Variants in SUMF1 observed in about 807,000 individuals in gnomAD.
SUMF1 encodes sulfatase modifying factor 1, also known as formylglycine-generating enzyme.
A neutral mutation model predicts 47.6 loss-of-function variants in SUMF1; 48 were observed. The observed-to-expected ratio is 1.01, with a 90% confidence interval of 0.80 to 1.28. The LOEUF is 1.28. Among genes scored for constraint, SUMF1 ranks in the 50% most tolerant of loss-of-function variants. The pLI is 0.00. For synonymous variants in SUMF1, 230 were observed against 192.1 expected (o/e 1.20, Z -1.63); for missense variants, 571 against 485.4 (o/e 1.18, Z -1.66).
At chr3:4,210,256 C>A (rs1479537907) in intron 8 of SUMF1, among the ~76,000 whole-genome samples, 1 of 152,038 alleles carries the variant, frequency 6.6e-6, no homozygotes, top group Non-Finnish European at 1.5e-5. Flanking sequence ...TCAATGCAAT[C>A]CAAATAAAAA....
intron 8 of SUMF1, among the ~76,000 whole-genome samples, chr3:4,158,540 G>C (rs564888482): frequency 6.6e-6 from 1 of 151,474 alleles, no homozygotes; most frequent in African/African-American, 2.4e-5. Context: ...GCTGAAAGTG[G>C]GGTGTTGAAG....
At chr3:4,464,932 A>C (rs771504892) in intron 1 of SUMF1, among the ~76,000 whole-genome samples, 1 of 152,244 alleles carries the variant, frequency 6.6e-6, no homozygotes, top group Admixed American at 6.5e-5. Context: ...CCCATATAGC[A>C]TCCAGTCAAG....
chr3:4,244,355 A>G (rs543549195), intron 8 of SUMF1, among the ~76,000 whole-genome samples: 13 of 152,316 alleles, frequency 8.5e-5, no homozygotes, highest in South Asian at 4.1e-4. Context: ...CATAGCATCA[A>G]TGGTCTTTAC....
chr3:4,184,204 C>G lies in SUMF1; in HGVS notation c.1015-115459G>C, dbSNP rs551764236. Among the ~76,000 whole-genome samples the G allele has an allele frequency of 7.9e-5, 12 of 151,560 alleles. No individual in the cohort carries two copies. The South Asian group carries it at 1.5e-3, about 19-fold the overall frequency. On this transcript the variant is annotated intron_variant and NMD_transcript_variant, in intron 8 of 12. Coordinates refer to the SUMF1 transcript ENST00000448413. ...AGTGTGGTGGCTCATGCCTGTATTC[C>G]CAACACTTTTGGAGGCTGAGGTGGG...
At chr3:4,074,790 A>C (rs1213627228) in intron 8 of SUMF1, among the ~76,000 whole-genome samples, 1 of 152,156 alleles carries the variant, frequency 6.6e-6, no homozygotes, top group Non-Finnish European at 1.5e-5. Context: ...CTAAACCAGG[A>C]AGAAATTCAA....
At chr3:4,465,081 G>C (rs548357743) in intron 1 of SUMF1, among the ~76,000 whole-genome samples, 1 of 152,334 alleles carries the variant, frequency 6.6e-6, no homozygotes, top group East Asian at 1.9e-4. Context: ...CTTGCCAGAG[G>C]AATCTAGATA....
At position 4,099,011 on chromosome 3, in the gene SUMF1, G is replaced by A. The variant is rs576124563; in HGVS notation, c.1015-30266C>T. 2.1e-3 allele frequency among the ~76,000 whole-genome samples: 318 copies of A among 152,218 alleles called. 10 individuals carry two copies. Among genetic ancestry groups the A allele is most frequent in the African/African-American group, 7.4e-3 (308 of 41,502 alleles). ...CTTACCCACTAGCGACAGTAAAGAA[G>A]ACTCTGGCCACTGCAGTCCTTAACA... On this transcript the variant is annotated intron_variant and NMD_transcript_variant, in intron 8 of 12. Coordinates refer to the SUMF1 transcript ENST00000448413.
intron 8 of SUMF1, among the ~76,000 whole-genome samples, chr3:4,249,695 A>C (rs1251049575): frequency 6.6e-6 from 1 of 152,230 alleles, no homozygotes; most frequent in Non-Finnish European, 1.5e-5. Context: ...GTTTTTAAGT[A>C]AAAACACGTC....
chr3:4,245,232 T>G (rs1696635140), intron 8 of SUMF1, among the ~76,000 whole-genome samples: 1 of 152,172 alleles, frequency 6.6e-6, no homozygotes, highest in African/African-American at 2.4e-5. Flanking sequence ...TTCTGAAGCC[T>G]ACTTCTGTCA....
intron 8 of SUMF1, among the ~76,000 whole-genome samples, chr3:4,333,143 C>A (rs778162606): frequency 1.4e-4 from 22 of 152,210 alleles, no homozygotes; most frequent in Non-Finnish European, 2.6e-4. Context: ...GGACACTGGA[C>A]AAGAGCTCGG....
At chr3:4,391,578 G>T (rs1188823616) in intron 7 of SUMF1, among the ~76,000 whole-genome samples, 2 of 152,068 alleles carry the variant, frequency 1.3e-5, no homozygotes, top group Admixed American at 6.5e-5. Flanking sequence ...GACTTCGTGG[G>T]CCCAGGAGAT....
At chr3:4,300,493 A>AT (rs961894594) in intron 8 of SUMF1, among the ~76,000 whole-genome samples, 1 of 152,238 alleles carries the variant, frequency 6.6e-6, no homozygotes, top group African/African-American at 2.4e-5. Context: ...AAATTATGTG[A>AT]TTTTATACAT....
intron 7 of SUMF1, among the ~76,000 whole-genome samples, chr3:4,377,934 T>C (rs981172339): frequency 5.3e-5 from 8 of 152,346 alleles, no homozygotes; most frequent in African/African-American, 1.9e-4. Context: ...AAAAGCACCC[T>C]TACTTAAGTG....
At position 4,441,354 on chromosome 3, in the gene SUMF1, A is replaced by G. The variant is rs560270141; in HGVS notation, c.519+7912T>C. Among the ~76,000 whole-genome samples the G allele has an allele frequency of 1.2e-3, 185 of 152,346 alleles. 1 individual carries two copies. Among genetic ancestry groups the G allele is most frequent in the Non-Finnish European group, 1.7e-3 (116 of 68,030 alleles). ...GCAAGAAAACAAGCTCTGGGCTCCCACTGATTCTACATTATGGTGAGTTGT... is the reference window on the plus strand; with the variant it reads ...GCAAGAAAACAAGCTCTGGGCTCCCGCTGATTCTACATTATGGTGAGTTGT... On this transcript the variant is annotated intron_variant, in intron 3 of 8. Transcript: ENST00000272902.
intron 8 of SUMF1, among the ~76,000 whole-genome samples, chr3:4,137,078 T>A (rs565243407): frequency 2.4e-4 from 36 of 152,102 alleles, no homozygotes; most frequent in Non-Finnish European, 4.7e-4. Flanking sequence ...TCCTCAAGGA[T>A]CTAGAACTAG....
intron 8 of SUMF1, among the ~76,000 whole-genome samples, chr3:4,151,213 T>C (rs867491571): frequency 6.7e-6 from 1 of 148,666 alleles, no homozygotes; most frequent in Non-Finnish European, 1.5e-5. Context: ...TATAAGGAAA[T>C]GTATAATGAA....
intron 8 of SUMF1, among the ~76,000 whole-genome samples, chr3:4,163,051 G>A (rs1694614523): frequency 1.3e-5 from 2 of 151,904 alleles, no homozygotes; most frequent in Admixed American, 6.5e-5. Flanking sequence ...GAAGAAAAAT[G>A]CCCAGTATGG....
intron 9 of SUMF1, among the ~76,000 whole-genome samples, chr3:4,055,841 G>T (rs571623958): frequency 3.9e-5 from 6 of 152,132 alleles, no homozygotes; most frequent in Non-Finnish European, 8.8e-5. Context: ...TATAATCAAG[G>T]TGTTGGCAAG....
At position 4,135,166 on chromosome 3, in the gene SUMF1, C is replaced by T. The variant is rs76778217; in HGVS notation, c.1015-66421G>A. Among the ~76,000 whole-genome samples the T allele has an allele frequency of 6.8e-3, 1,035 of 151,946 alleles. 22 individuals carry two copies. The highest frequency in any genetic ancestry group is 0.024 in the African/African-American group (995 of 41,434). The stretch of plus-strand genomic sequence containing the variant: ...ATACCAAAGCCTGGCAGAGACACAA[C>T]AAAAAAAGAGAAAATTTAGACCAAT... On this transcript the variant is annotated intron_variant and NMD_transcript_variant, in intron 8 of 12. Coordinates refer to the SUMF1 transcript ENST00000448413.
Sources: gnomAD v4.1 joint callset for allele counts (sites outside exome capture counted in the v4.1 genomes callset) on GRCh38, gnomAD v4.1.1 for gene constraint, MANE v1.5 for transcripts, NCBI Gene and HGNC (gene_info 2026-07-23, HGNC 2026-07-21) for gene names.